Variants in ROBO1 observed in about 807,000 individuals in gnomAD.
ROBO1 encodes the protein roundabout guidance receptor 1, also known as roundabout homolog 1.
A neutral mutation model predicts 195.9 loss-of-function variants in ROBO1; 149 were observed. The ratio of observed to expected loss-of-function variants is 0.76; its 90% CI spans 0.67 to 0.87. ROBO1 has a LOEUF of 0.87. Among genes scored for constraint, ROBO1 ranks in the 40% least tolerant of loss-of-function variants. ROBO1 has a pLI of 0.00. For synonymous variants in ROBO1, 816 were observed against 733.2 expected (o/e 1.11, Z -1.82); for missense variants, 1,933 against 2,068.3 (o/e 0.93, Z 1.27).
intron 2 of ROBO1, among the ~76,000 whole-genome samples, chr3:79,371,517 T>C (rs547727587): frequency 1.5e-4 from 23 of 152,102 alleles, no homozygotes; most frequent in South Asian, 6.2e-4. Flanking sequence ...AGGTTATTCA[T>C]AGAAAATATA....
At chr3:79,634,041 G>A (rs1193646260) in intron 1 of ROBO1, among the ~76,000 whole-genome samples, 3 of 152,042 alleles carry the variant, frequency 2.0e-5, no homozygotes, top group Non-Finnish European at 4.4e-5. Flanking sequence ...TTGAATAAAT[G>A]TGTGGAATAT....
intron 2 of ROBO1, among the ~76,000 whole-genome samples, chr3:79,277,738 TA>T (rs900287681): frequency 6.6e-6 from 1 of 151,566 alleles, no homozygotes; most frequent in Non-Finnish European, 1.5e-5. Context: ...AAGGGCCCCA[TA>T]AATATATACA....
intron 5 of ROBO1, among the ~76,000 whole-genome samples, chr3:78,738,483 G>C (rs1196103794): frequency 6.6e-6 from 1 of 152,076 alleles, no homozygotes; most frequent in African/African-American, 2.4e-5. Flanking sequence ...ACTTGCTTTT[G>C]AAAGAAATGA....
intron 2 of ROBO1, among the ~76,000 whole-genome samples, chr3:79,201,931 T>TA (rs1483484414): frequency 6.7e-6 from 1 of 150,368 alleles, no homozygotes; most frequent in Non-Finnish European, 1.5e-5. Flanking sequence ...TTGGCTCTTT[T>TA]ATATAATAAT....
Position 78,635,803 on chromosome 3 carries a change from T to G in ROBO1, c.3343A>C (p.Asn1115His), listed in dbSNP as rs1471011534. The G allele has an allele frequency of 1.9e-6, 3 of 1,613,702 alleles. No individual in the cohort carries two copies. The highest frequency in any genetic ancestry group is 2.5e-6 in the Non-Finnish European group (3 of 1,179,796). The change falls in exon 23 of 31, where the codon AAC becomes CAC. Residue 1115 changes from asparagine to histidine, a missense_variant. Coordinates refer to ENST00000464233, the MANE Select transcript of ROBO1 (RefSeq NM_002941.4). ...QKQEVAPVQY[N>H]IVEQNKLNKD... ...TTCAGCTTGTTTTGCTCCACGATGT[T>G]GTACTGAACTGGTGCCACTTCTTGT... is the stretch of plus-strand genomic sequence containing the variant.
chr3:79,709,640 A>T (rs531425203), intron 1 of ROBO1, among the ~76,000 whole-genome samples: 3 of 152,276 alleles, frequency 2.0e-5, no homozygotes, highest in South Asian at 2.1e-4. Flanking sequence ...TAGATACTGG[A>T]TGTCACAATA....
chr3:79,579,198 C>G (rs1943584180), intron 2 of ROBO1, among the ~76,000 whole-genome samples: 1 of 152,088 alleles, frequency 6.6e-6, no homozygotes, highest in Admixed American at 6.6e-5. Context: ...ATTAGGAATA[C>G]ACAAGTTGAG....
At chr3:79,471,765 A>G (rs1938287160) in intron 2 of ROBO1, among the ~76,000 whole-genome samples, 1 of 152,150 alleles carries the variant, frequency 6.6e-6, no homozygotes, top group African/African-American at 2.4e-5. Flanking sequence ...ATAAAAAAGG[A>G]TGAGTTCATG....
At chr3:79,252,687 T>C (rs1237326184) in intron 2 of ROBO1, among the ~76,000 whole-genome samples, 1 of 151,906 alleles carries the variant, frequency 6.6e-6, no homozygotes, top group Non-Finnish European at 1.5e-5. Flanking sequence ...GTATCAAGTA[T>C]TAAGGTAAGT....
rs369325461 is a variant in ROBO1, at chr3:79,227,980, G to C, written c.89-102441C>G. On this transcript the variant is annotated intron_variant, in intron 2 of 30. Transcript: ENST00000464233. ...CAGATTGTTCTATTTTTCTTAATCA[G>C]AATAAATAAATATAGCCTCAACTAT... is the stretch of plus-strand genomic sequence containing the variant. Among the ~76,000 whole-genome samples the C allele has an allele frequency of 1.9e-4, 29 of 151,914 alleles. 1 individual carries two copies. The highest frequency in any genetic ancestry group is 6.3e-3 in the Middle Eastern group (2 of 316).
In ROBO1 at chr3:79,361,381, G is replaced by C. The variant is rs139081422; in HGVS notation, c.88+228443C>G. 7.1e-3 allele frequency among the ~76,000 whole-genome samples: 1,080 copies of C among 151,986 alleles called. 11 individuals carry two copies. The highest frequency in any genetic ancestry group is 0.014 in the Middle Eastern group (4 of 294). On this transcript the variant is annotated intron_variant, in intron 2 of 30. Coordinates refer to ENST00000464233, the MANE Select transcript of ROBO1 (RefSeq NM_002941.4). ...CATCTTTACTATGAGATTTGTCATA[G>C]GTAGCAAAAGGAGAAAAGCAAATAA...
chr3:79,078,981 G>T (rs924496157), intron 3 of ROBO1, among the ~76,000 whole-genome samples: 6 of 151,708 alleles, frequency 4.0e-5, no homozygotes, highest in African/African-American at 1.4e-4. Flanking sequence ...CTTTAAGATA[G>T]AAATCATCTT....
chr3:79,758,430 T>C (rs1471742375), intron 1 of ROBO1, among the ~76,000 whole-genome samples: 1 of 152,218 alleles, frequency 6.6e-6, no homozygotes, highest in Non-Finnish European at 1.5e-5. Context: ...TACAGTGATA[T>C]ATTGTTGTCA....
At chr3:78,781,286 T>C (rs1455661469) in intron 4 of ROBO1, among the ~76,000 whole-genome samples, 1 of 152,112 alleles carries the variant, frequency 6.6e-6, no homozygotes, top group Non-Finnish European at 1.5e-5. Flanking sequence ...TTAGTCACCT[T>C]CTCTCCGACT....
chr3:79,002,497 A>G (rs2077528731), intron 3 of ROBO1, among the ~76,000 whole-genome samples: 1 of 152,138 alleles, frequency 6.6e-6, no homozygotes, highest in Admixed American at 6.6e-5. Context: ...GAAGATTTAG[A>G]AAAGCTAAAT....
chr3:78,901,092 TGTCTC>T (rs2037554977), intron 4 of ROBO1, among the ~76,000 whole-genome samples: 1 of 152,208 alleles, frequency 6.6e-6, no homozygotes, highest in African/African-American at 2.4e-5. Flanking sequence ...TGTATGGCAA[TGTCTC>T]ATCTGGCCTA....
At chr3:79,288,473 G>A (rs748085502) in intron 2 of ROBO1, among the ~76,000 whole-genome samples, 7 of 152,064 alleles carry the variant, frequency 4.6e-5, no homozygotes, top group East Asian at 1.9e-4. Context: ...CTAAACTTAC[G>A]ATTTCTTTAG....
intron 4 of ROBO1, among the ~76,000 whole-genome samples, chr3:78,903,960 T>C (rs1416974762): frequency 2.6e-5 from 4 of 151,754 alleles, no homozygotes; most frequent in Non-Finnish European, 4.4e-5. Flanking sequence ...ATCTACAAAA[T>C]AGAAGAAAAA....
At chr3:79,523,466 T>A (rs991601910) in intron 2 of ROBO1, among the ~76,000 whole-genome samples, 1 of 126,780 alleles carries the variant, frequency 7.9e-6, no homozygotes, top group South Asian at 2.5e-4. Flanking sequence ...TCTTTCTTTT[T>A]TTTTTCTTTT....
Sources: allele counts gnomAD v4.1 joint callset (sites outside exome capture counted in the v4.1 genomes callset), GRCh38; gene constraint gnomAD v4.1.1; transcripts MANE v1.5; gene names NCBI Gene and HGNC (gene_info 2026-07-23, HGNC 2026-07-21).